Variants in ADGRV1 observed in about 807,000 individuals in gnomAD.
The protein encoded by ADGRV1 is G-protein coupled receptor 98.
ADGRV1 carries 359 observed loss-of-function variants against 596.2 expected under a neutral mutation model. That is an observed-to-expected ratio of 0.60 (90% CI 0.55 to 0.66). The LOEUF is 0.66. Ranked by LOEUF, ADGRV1 falls within the 30% of genes least tolerant of loss-of-function variation. The probability of loss-of-function intolerance (pLI) is 0.00; values close to 1 mark genes in which losing one functional copy is unlikely to be tolerated. For synonymous variants in ADGRV1, 2,681 were observed against 2,679.2 expected (o/e 1.00, Z -0.02); for missense variants, 7,274 against 7,575.6 (o/e 0.96, Z 1.48).
chr5:90,727,169 C>G (rs186503372), intron 48 of ADGRV1, among the ~76,000 whole-genome samples: 1 of 152,202 alleles, frequency 6.6e-6, no homozygotes, highest in Non-Finnish European at 1.5e-5. Context: ...GTCACTATAG[C>G]CTTGACCTCC....
intron 28 of ADGRV1, among the ~76,000 whole-genome samples, chr5:90,684,894 C>T (rs374120707): frequency 5.9e-5 from 9 of 152,180 alleles, no homozygotes; most frequent in South Asian, 2.1e-4. Context: ...GAAGGCGAAG[C>T]GGTTAAAGAG....
intron 72 of ADGRV1, 137 bp downstream of exon 72, chr5:90,805,595 G>A: frequency 1.5e-6 from 1 of 681,696 alleles, no homozygotes; most frequent in Non-Finnish European, 2.2e-6. Context: ...TAAGTGATCA[G>A]AGTAGTGCAG....
At chr5:90,675,556 C>T (rs1773117205) in intron 24 of ADGRV1, 111 bp downstream of exon 24, 5 of 1,084,160 alleles carry the variant, frequency 4.6e-6, no homozygotes, top group Non-Finnish European at 5.4e-6. Context: ...CGCCTGTAAT[C>T]CTAGCACTTT....
At chr5:90,866,080 C>A (rs1768062424) in intron 83 of ADGRV1, among the ~76,000 whole-genome samples, 1 of 152,084 alleles carries the variant, frequency 6.6e-6, no homozygotes, top group South Asian at 2.1e-4. Context: ...ACTTTGCAGA[C>A]AAGTCTGCCA....
chr5:90,733,793 G>T lies in ADGRV1; in HGVS notation c.10549+4029G>T, dbSNP rs141236251. 1.6e-4 allele frequency among the ~76,000 whole-genome samples: 25 copies of T among 152,198 alleles called. No homozygotes were observed. In the South Asian group the frequency reaches 5.2e-3, roughly 32 times the overall value. On this transcript the variant is annotated intron_variant, in intron 50 of 89. Coordinates refer to ENST00000405460, the MANE Select transcript of ADGRV1 (RefSeq NM_032119.4). ...TACTTAACATTTTTGTGATGATACA[G>T]TTGAAATGTACTCTTAGTTATTTTG...
intron 84 of ADGRV1, among the ~76,000 whole-genome samples, chr5:90,977,243 A>G (rs2151018617): frequency 1.3e-5 from 2 of 152,326 alleles, no homozygotes; most frequent in East Asian, 3.9e-4. Context: ...ATTTCATGCA[A>G]TAAATGTTAA....
At chr5:90,983,544 C>T (rs544858339) in intron 84 of ADGRV1, among the ~76,000 whole-genome samples, 2 of 152,062 alleles carry the variant, frequency 1.3e-5, no homozygotes, top group Non-Finnish European at 2.9e-5. Flanking sequence ...ATGGATTAAT[C>T]AATGATTCTT....
At chr5:91,040,379 G>A (rs899009382) in intron 85 of ADGRV1, among the ~76,000 whole-genome samples, 9 of 152,156 alleles carry the variant, frequency 5.9e-5, no homozygotes, top group Non-Finnish European at 1.5e-5. Context: ...CAAAGGTAAA[G>A]TGACCAGTTA....
At position 90,628,582 on chromosome 5, in the gene ADGRV1, T is replaced by G; in HGVS notation, c.1259T>G (p.Val420Gly). 1 of 1,613,688 alleles carries G rather than the reference T, an allele frequency of 6.2e-7. No individual in the cohort carries two copies. The highest frequency in any genetic ancestry group is 8.5e-7 in the Non-Finnish European group (1 of 1,179,596). The change falls in exon 8 of 90, where the codon GTT (valine) becomes GGT (glycine). Residue 420 changes from valine to glycine, a missense_variant. Val to Gly is a moderately radical substitution (Grantham distance 109). This residue lies in a region of ADGRV1 where 1,715 missense variants were observed against 1,708.8 expected (regional missense o/e 1.00). Coordinates refer to ENST00000405460, the MANE Select transcript of ADGRV1 (RefSeq NM_032119.4). Reference protein sequence around the residue: ...RISRYEEITVVRNGGTHGNVS... With the variant: ...RISRYEEITVGRNGGTHGNVS... ...TTAAGATATGAAGAAATCACAGTGG[T>G]TAGAAATGGAGGAACCCATGGGAAT...
chr5:90,985,597 T>C (rs1329210039), intron 85 of ADGRV1, 75 bp downstream of exon 85: 5 of 1,077,150 alleles, frequency 4.6e-6, no homozygotes, highest in Non-Finnish European at 7.1e-6. Context: ...AGAGCTGTGA[T>C]TGAATAAGTA....
chr5:90,660,575 T>A (rs1770119892), intron 21 of ADGRV1, among the ~76,000 whole-genome samples: 1 of 152,118 alleles, frequency 6.6e-6, no homozygotes, highest in Non-Finnish European at 1.5e-5. Context: ...ATAGAGACCC[T>A]ATAAAGACTC....
At chr5:90,742,919 G>A (rs1300581803) in intron 50 of ADGRV1, among the ~76,000 whole-genome samples, 1 of 152,178 alleles carries the variant, frequency 6.6e-6, no homozygotes, top group Non-Finnish European at 1.5e-5. Flanking sequence ...TAACTTTTGT[G>A]GTGGTGATTG....
intron 1 of ADGRV1, among the ~76,000 whole-genome samples, chr5:90,563,014 A>G (rs1337166859): frequency 6.6e-6 from 1 of 152,216 alleles, no homozygotes; most frequent in Non-Finnish European, 1.5e-5. Flanking sequence ...GGGGCTTAAC[A>G]TGGCTTTAAT....
At chr5:90,919,636 A>G (rs140481274) in intron 83 of ADGRV1, among the ~76,000 whole-genome samples, 15 of 152,288 alleles carry the variant, frequency 9.8e-5, no homozygotes, top group African/African-American at 3.4e-4. Flanking sequence ...GTGTCGTTTC[A>G]TTAATGGAAA....
intron 87 of ADGRV1, among the ~76,000 whole-genome samples, chr5:91,105,966 C>A (rs950815866): frequency 1.9e-4 from 28 of 150,044 alleles, no homozygotes; most frequent in Admixed American, 1.4e-3. Context: ...TATTTAATAG[C>A]CTGTAAAATC....
intron 10 of ADGRV1, 127 bp from the exon 11 acceptor site, chr5:90,637,598 G>A (rs950480649): frequency 4.1e-6 from 2 of 492,280 alleles, no homozygotes; most frequent in Admixed American, 3.7e-5. Flanking sequence ...TTAATAGTTC[G>A]CTTCTCTATA....
At position 91,102,390 on chromosome 5, in the gene ADGRV1, A is replaced by T. The variant is rs1024030371; in HGVS notation, c.18432+50A>T. On this transcript the variant is annotated intron_variant, in intron 87 of 89. Transcript: ENST00000405460. The stretch of plus-strand genomic sequence containing the variant: ...ACAACATACATTTATCTTAATGAAC[A>T]CAAGGCATAGAATTTCAATATTAAA... 4 of 1,488,886 alleles carry T rather than the reference A, an allele frequency of 2.7e-6. No individual in the cohort carries two copies. The African/African-American group carries it at 5.6e-5, about 21-fold the overall frequency. The allele number at this position is 1,488,886 out of a possible 1,614,324, so 92.2% of individuals were successfully genotyped here.
chr5:90,673,543 G>A (rs79912576), intron 22 of ADGRV1, among the ~76,000 whole-genome samples: 3,935 of 152,108 alleles, frequency 0.026, 162 homozygotes, highest in African/African-American at 0.09. Context: ...GTTATTGCTC[G>A]CAGTTTTGGA....
intron 85 of ADGRV1, among the ~76,000 whole-genome samples, chr5:91,025,158 C>G (rs1486628595): frequency 6.6e-6 from 1 of 152,158 alleles, no homozygotes; most frequent in East Asian, 1.9e-4. Context: ...TTCTCCTTCT[C>G]TCTAACATTT....
Sources: allele counts gnomAD v4.1 joint callset (sites outside exome capture counted in the v4.1 genomes callset), GRCh38; gene constraint gnomAD v4.1.1; regional missense constraint gnomAD v4.1.1; transcripts MANE v1.5; gene names NCBI Gene and HGNC (gene_info 2026-07-23, HGNC 2026-07-21).